The following GALNTL6 variants were observed in gnomAD, a reference collection of about 807,000 sequenced individuals.
GALNTL6 encodes the protein polypeptide N-acetylgalactosaminyltransferase-like 6.
A neutral mutation model predicts 73.7 loss-of-function variants in GALNTL6; 46 were observed. The observed-to-expected ratio is 0.62, with a 90% CI of 0.49 to 0.80. The LOEUF (loss-of-function observed/expected upper bound fraction) is 0.80, where lower values mean the gene tolerates loss of function less well. Ranked by LOEUF, GALNTL6 falls within the 30% of genes least tolerant of loss-of-function variation. The pLI, the probability that GALNTL6 is intolerant of heterozygous loss-of-function variation, is 0.00. For synonymous variants in GALNTL6, 259 were observed against 263.7 expected, an observed-to-expected ratio of 0.98 and a Z score of 0.17; for missense variants, 604 against 755.0, an observed-to-expected ratio of 0.80 and a Z score of 2.34.
At chr4:171,977,047 G>A (rs550412369) in intron 2 of GALNTL6, among the ~76,000 whole-genome samples, 2 of 152,172 alleles carry the variant, frequency 1.3e-5, no homozygotes, top group Non-Finnish European at 2.9e-5. Flanking sequence ...GCAGAAGCCG[G>A]CTGCATTTCC....
At chr4:172,524,404 A>T (rs1734883174) in intron 5 of GALNTL6, among the ~76,000 whole-genome samples, 1 of 152,064 alleles carries the variant, frequency 6.6e-6, no homozygotes, top group Non-Finnish European at 1.5e-5. Context: ...ATGCGCCACC[A>T]TGCCCGGCTA....
At chr4:172,749,605 C>G (rs1179813162) in intron 5 of GALNTL6, among the ~76,000 whole-genome samples, 1 of 151,806 alleles carries the variant, frequency 6.6e-6, no homozygotes, top group Non-Finnish European at 1.5e-5. Context: ...TCCCTAAGCC[C>G]CCCAAATCCC....
intron 2 of GALNTL6, among the ~76,000 whole-genome samples, chr4:171,975,453 C>A (rs867107585): frequency 7.9e-5 from 12 of 152,034 alleles, no homozygotes; most frequent in Non-Finnish European, 1.6e-4. Flanking sequence ...GGAAGACATA[C>A]AAAGGTGAAG....
intron 5 of GALNTL6, among the ~76,000 whole-genome samples, chr4:172,595,610 A>C (rs543375512): frequency 4.6e-5 from 7 of 152,358 alleles, no homozygotes; most frequent in African/African-American, 1.7e-4. Context: ...GGTTAATAGA[A>C]TAAATGAGGG....
At chr4:172,930,106 G>T (rs1369261253) in intron 8 of GALNTL6, among the ~76,000 whole-genome samples, 1 of 152,018 alleles carries the variant, frequency 6.6e-6, no homozygotes, top group East Asian at 1.9e-4. Flanking sequence ...GTGAAACCTC[G>T]CCTCTACTAA....
At chr4:172,795,253 G>A (rs1740199940) in intron 5 of GALNTL6, among the ~76,000 whole-genome samples, 1 of 152,184 alleles carries the variant, frequency 6.6e-6, no homozygotes, top group African/African-American at 2.4e-5. Flanking sequence ...CCATGTTCTT[G>A]AGCAGACAAG....
intron 5 of GALNTL6, among the ~76,000 whole-genome samples, chr4:172,661,657 A>C (rs959875770): frequency 3.3e-5 from 5 of 152,238 alleles, no homozygotes; most frequent in African/African-American, 1.2e-4. Context: ...CAAATAATGG[A>C]GTGCTCATGG....
chr4:172,678,165 G>A (rs1027824427), intron 5 of GALNTL6, among the ~76,000 whole-genome samples: 1 of 152,148 alleles, frequency 6.6e-6, no homozygotes, highest in South Asian at 2.1e-4. Context: ...AGGCCTACAG[G>A]GCGATTTGGC....
At chr4:172,380,158 G>T in intron 5 of GALNTL6, 1 of 1,045,212 alleles carries the variant, frequency 9.6e-7, no homozygotes, top group South Asian at 1.3e-5. Context: ...CACTTAACAA[G>T]GCCTGGATCC....
intron 3 of GALNTL6, among the ~76,000 whole-genome samples, chr4:172,268,852 C>T (rs1297076889): frequency 6.6e-6 from 1 of 152,114 alleles, no homozygotes; most frequent in African/African-American, 2.4e-5. Context: ...TGGCACTCAC[C>T]AAGAAACCAA....
chr4:172,089,071 C>A (rs879298364), intron 2 of GALNTL6, among the ~76,000 whole-genome samples: 17 of 152,148 alleles, frequency 1.1e-4, no homozygotes, highest in Non-Finnish European at 2.1e-4. Context: ...AAGCACTTTT[C>A]TCCACACCCA....
intron 5 of GALNTL6, among the ~76,000 whole-genome samples, chr4:172,354,853 A>G (rs1004029505): frequency 6.6e-6 from 1 of 152,116 alleles, no homozygotes; most frequent in African/African-American, 2.4e-5. Flanking sequence ...TGATAGTTAT[A>G]TATCCTTATT....
At chr4:172,175,126 G>C (rs982869617) in intron 2 of GALNTL6, among the ~76,000 whole-genome samples, 4 of 151,484 alleles carry the variant, frequency 2.6e-5, no homozygotes, top group Admixed American at 6.6e-5. Context: ...ACTCAGGCTG[G>C]AGTACAGTGG....
chr4:171,830,168 C>A (rs1023044816), intron 2 of GALNTL6, among the ~76,000 whole-genome samples: 3 of 152,086 alleles, frequency 2.0e-5, no homozygotes, highest in Non-Finnish European at 4.4e-5. Context: ...TGCCAACAAC[C>A]ACCAGAGCTG....
At chr4:171,915,516 T>C (rs1737591956) in intron 2 of GALNTL6, among the ~76,000 whole-genome samples, 2 of 152,184 alleles carry the variant, frequency 1.3e-5, no homozygotes, top group Non-Finnish European at 2.9e-5. Flanking sequence ...GATCTTAATT[T>C]GTAAATAATC....
intron 9 of GALNTL6, among the ~76,000 whole-genome samples, chr4:172,935,196 T>G (rs964502752): frequency 2.0e-5 from 3 of 152,284 alleles, no homozygotes; most frequent in African/African-American, 7.2e-5. Flanking sequence ...GGGGCAGTCC[T>G]GGAAGTGCAC....
At chr4:172,121,135 G>GA (rs1164012549) in intron 2 of GALNTL6, among the ~76,000 whole-genome samples, 1 of 151,924 alleles carries the variant, frequency 6.6e-6, no homozygotes. Flanking sequence ...GCATTTTAAA[G>GA]AAAAAATGAG....
intron 5 of GALNTL6, among the ~76,000 whole-genome samples, chr4:172,621,111 TAAG>T (rs1442138571): frequency 6.6e-6 from 1 of 152,222 alleles, no homozygotes; most frequent in Non-Finnish European, 1.5e-5. Flanking sequence ...AGGCATAAAT[TAAG>T]AAGACTTGGG....
intron 5 of GALNTL6, among the ~76,000 whole-genome samples, chr4:172,601,409 CCCT>C (rs1415755300): frequency 6.6e-6 from 1 of 152,026 alleles, no homozygotes; most frequent in Non-Finnish European, 1.5e-5. Context: ...TACATTAATG[CCCT>C]CCTGCTGCAG....
Sources: gnomAD v4.1 joint callset for allele counts (sites outside exome capture counted in the v4.1 genomes callset) on GRCh38, gnomAD v4.1.1 for gene constraint, MANE v1.5 for transcripts, NCBI Gene and HGNC (gene_info 2026-07-23, HGNC 2026-07-21) for gene names.